The following MAGEC3 variants were observed in gnomAD, a reference collection of about 807,000 sequenced individuals.
The protein encoded by MAGEC3 is melanoma-associated antigen C3.
MAGEC3 carries 34 observed loss-of-function variants against 35.3 expected under a neutral mutation model. The observed-to-expected ratio is 0.96, with a 90% CI of 0.73 to 1.28. MAGEC3 has a LOEUF of 1.28. MAGEC3 is among the 50% of genes most tolerant of loss of function. The pLI, the probability that MAGEC3 is intolerant of heterozygous loss-of-function variation, is 0.00. For missense variants in MAGEC3, 561 were observed against 483.6 expected (o/e 1.16, Z -1.50); for synonymous variants, 202 against 185.6 (o/e 1.09, Z -0.72).
chrX:141,866,984 TGAA>T (rs1411204633), intron 2 of MAGEC3, among the ~76,000 whole-genome samples: 1 of 110,097 alleles, frequency 9.1e-6, no homozygotes, highest in Non-Finnish European at 1.9e-5. Flanking sequence ...GGAGGTTAGA[TGAA>T]GAAGAGAGAA....
At chrX:141,853,130 AG>A (rs1243449189) in intron 1 of MAGEC3, among the ~76,000 whole-genome samples, 1 of 111,310 alleles carries the variant, frequency 9.0e-6, no homozygotes, top group Admixed American at 9.6e-5. Context: ...GTAATTCGAA[AG>A]GCAACCCTTG....
chrX:141,894,573 G>T (rs2018069049), intron 4 of MAGEC3: 3 of 837,965 alleles, frequency 3.6e-6, no homozygotes, highest in Non-Finnish European at 4.6e-6. Context: ...AGGAGAAGGG[G>T]GGAGTGCCGG....
At chrX:141,889,938 C>T (rs1463976846) in intron 4 of MAGEC3, among the ~76,000 whole-genome samples, 1 of 112,606 alleles carries the variant, frequency 8.9e-6, no homozygotes, top group Non-Finnish European at 1.9e-5. Flanking sequence ...TAGTTAAAAA[C>T]ATGTTTGTGC....
At chrX:141,884,398 G>T (rs984763355) in intron 4 of MAGEC3, among the ~76,000 whole-genome samples, 2 of 111,551 alleles carry the variant, frequency 1.8e-5, no homozygotes, top group Non-Finnish European at 3.8e-5. Context: ...TGGCTTCCTT[G>T]CTCCTCAGCT....
intron 4 of MAGEC3, among the ~76,000 whole-genome samples, chrX:141,885,197 G>A (rs1372869045): frequency 1.8e-5 from 2 of 111,544 alleles, no homozygotes; most frequent in African/African-American, 6.5e-5. Flanking sequence ...CACTCGAAAA[G>A]AACTGCTTGA....
intron 2 of MAGEC3, among the ~76,000 whole-genome samples, chrX:141,869,932 T>C (rs1346019723): frequency 8.9e-6 from 1 of 111,793 alleles, no homozygotes; most frequent in Non-Finnish European, 1.9e-5. Context: ...TGCAATTGTA[T>C]CTACCTAAGC....
chrX:141,880,919 G>A (rs894526996), intron 3 of MAGEC3: 43 of 764,100 alleles, frequency 5.6e-5, no homozygotes, highest in Non-Finnish European at 8.4e-5. Context: ...CAGGCCTGTT[G>A]GATGCCATCA....
chrX:141,895,229 A>G (rs1344815749), intron 4 of MAGEC3, 40 bp from the exon 5 acceptor site: 4 of 1,182,176 alleles, frequency 3.4e-6, no homozygotes, highest in Admixed American at 4.6e-5. Context: ...TGGTTTTTCC[A>G]TGGAGAGGAG....
chrX:141,892,579 T>C (rs992880176), intron 4 of MAGEC3, among the ~76,000 whole-genome samples: 11 of 111,301 alleles, frequency 9.9e-5, no homozygotes, highest in Non-Finnish European at 1.7e-4. Context: ...TATTATTTAA[T>C]AATAATGATT....
intron 3 of MAGEC3, chrX:141,880,801 G>A: frequency 9.5e-7 from 1 of 1,055,891 alleles, no homozygotes; most frequent in Non-Finnish European, 1.3e-6. Context: ...TGACCCGTGA[G>A]GCCCTAGAGC....
At chrX:141,893,722 G>T (rs1041945867) in intron 4 of MAGEC3, among the ~76,000 whole-genome samples, 1 of 104,498 alleles carries the variant, frequency 9.6e-6, no homozygotes, top group Non-Finnish European at 2.0e-5. Flanking sequence ...ATTGGGGGGG[G>T]GGGCGTAGAT....
intron 1 of MAGEC3, among the ~76,000 whole-genome samples, chrX:141,847,692 A>C (rs1471657809): frequency 1.8e-5 from 2 of 111,226 alleles, no homozygotes; most frequent in Admixed American, 9.6e-5. Flanking sequence ...AAATATCAGA[A>C]TTTATGGGGT....
chrX:141,859,447 C>T (rs1172108982), intron 1 of MAGEC3, among the ~76,000 whole-genome samples: 1 of 111,641 alleles, frequency 9.0e-6, no homozygotes, highest in Admixed American at 9.5e-5. Flanking sequence ...CTGCTCACTA[C>T]ATTTTTATCT....
intron 1 of MAGEC3, 36 bp from the exon 2 acceptor site, chrX:141,865,435 C>A: frequency 8.5e-7 from 1 of 1,172,280 alleles, no homozygotes; most frequent in Non-Finnish European, 1.1e-6. Flanking sequence ...GAGGTTGCCC[C>A]AGCCTAGTCC....
chrX:141,866,248 T>A (rs1308082518), intron 2 of MAGEC3, among the ~76,000 whole-genome samples: 1 of 112,336 alleles, frequency 8.9e-6, no homozygotes, highest in Non-Finnish European at 1.9e-5. Context: ...GATTTCCTCC[T>A]ATGTTTTCTC....
chrX:141,853,395 G>A (rs1420403426), intron 1 of MAGEC3, among the ~76,000 whole-genome samples: 1 of 111,132 alleles, frequency 9.0e-6, no homozygotes, highest in Non-Finnish European at 1.9e-5. Flanking sequence ...GTATTTTGGT[G>A]CAGATTGTGG....
chrX:141,839,939 G>C, intron 1 of MAGEC3: 1 of 648,455 alleles, frequency 1.5e-6, no homozygotes, highest in Non-Finnish European at 1.8e-6. Context: ...GAATTATACT[G>C]CCTAAAATGT....
chrX:141,885,634 A>G (rs1170161302), intron 4 of MAGEC3, among the ~76,000 whole-genome samples: 3 of 89,252 alleles, frequency 3.4e-5, no homozygotes, highest in African/African-American at 1.2e-4. Context: ...ACTGCACTCC[A>G]GCCTGGGTGA....
chrX:141,896,647 G>T (rs752414999), intron 6 of MAGEC3: 12 of 1,206,202 alleles, frequency 9.9e-6, no homozygotes, highest in Non-Finnish European at 1.3e-5. Context: ...CTGAACAACA[G>T]GCCTCATGCC....
Sources: allele counts gnomAD v4.1 joint callset (sites outside exome capture counted in the v4.1 genomes callset), GRCh38; gene constraint gnomAD v4.1.1; transcripts MANE v1.5; gene names NCBI Gene and HGNC (gene_info 2026-07-23, HGNC 2026-07-21).